AGTPBP1: variants seen among roughly 807,000 people sequenced by gnomAD.
The protein encoded by AGTPBP1 is ATP/GTP binding carboxypeptidase 1.
A neutral mutation model predicts 143.9 loss-of-function variants in AGTPBP1; 70 were observed. The ratio of observed to expected loss-of-function variants is 0.49; its 90% confidence interval spans 0.40 to 0.59. AGTPBP1 has a LOEUF of 0.59. Among genes scored for constraint, AGTPBP1 ranks in the 20% least tolerant of loss-of-function variants. The pLI is 0.00. For synonymous variants in AGTPBP1, 463 were observed against 500.2 expected (o/e 0.93, Z 0.99); for missense variants, 1,229 against 1,464.5 (o/e 0.84, Z 2.62).
the AGTPBP1 span, among the ~76,000 whole-genome samples, chr9:85,771,211 G>C: frequency 6.6e-6 from 1 of 152,122 alleles, no homozygotes; most frequent in Admixed American, 6.5e-5. Flanking sequence ...TTAAAATAAA[G>C]TCCTAAGGCC....
At chr9:85,797,631 G>A in the AGTPBP1 span, among the ~76,000 whole-genome samples, 1 of 152,050 alleles carries the variant, frequency 6.6e-6, no homozygotes, top group Non-Finnish European at 1.5e-5. Context: ...TAGGGCAGGG[G>A]TGTCCAATCT....
At chr9:85,769,520 C>CAAAAAAA in the AGTPBP1 span, among the ~76,000 whole-genome samples, 1 of 60,874 alleles carries the variant, frequency 1.6e-5, no homozygotes. Context: ...ACCCTGTGTC[C>CAAAAAAA]AAAAAAAAAA....
rs1227840098 is a variant in AGTPBP1, at chr9:85,592,649, A to G, written c.2479T>C (p.Tyr827His). ...AAATTGACAGTAAATGTAATTGTAT[A>G]GTAGGATTTTCCCTTTTGCCCACCT... ...AAGGQKGKSY[Y>H]TITFTVNFPH... is the part of the protein sequence containing the mutation. Residue 827 changes from tyrosine to histidine, a missense_variant, in exon 19 of 26, where the codon TAT (tyrosine) becomes CAT (histidine). This residue lies in a region of AGTPBP1 where 486 missense variants were observed against 652.3 expected (regional missense o/e 0.75). Transcript: ENST00000357081. 6.2e-7 allele frequency: 1 copy of G among 1,612,054 alleles called. No individual in the cohort carries two copies. Among genetic ancestry groups the G allele is most frequent in the Admixed American group, 1.7e-5 (1 of 59,684 alleles).
chr9:85,706,952 A>C (rs1837053597), intron 2 of AGTPBP1, among the ~76,000 whole-genome samples: 1 of 152,146 alleles, frequency 6.6e-6, no homozygotes, highest in South Asian at 2.1e-4. Flanking sequence ...TTAAAAAAAA[A>C]AGCAGACACA....
chr9:85,645,660 C>G (rs1329830337), intron 12 of AGTPBP1, among the ~76,000 whole-genome samples: 1 of 151,912 alleles, frequency 6.6e-6, no homozygotes, highest in African/African-American at 2.4e-5. Flanking sequence ...CCCTCCTCCC[C>G]CATAAAAAAA....
intron 15 of AGTPBP1, 34 bp from the exon 16 acceptor site, chr9:85,619,335 T>C (rs1225874249): frequency 2.7e-6 from 4 of 1,479,268 alleles, no homozygotes; most frequent in South Asian, 2.4e-5. Flanking sequence ...TGTATTAAAA[T>C]ACATTGCATT....
chr9:85,718,188 C>T (rs967642685), intron 1 of AGTPBP1, among the ~76,000 whole-genome samples: 1 of 152,138 alleles, frequency 6.6e-6, no homozygotes, highest in Admixed American at 6.5e-5. Context: ...TGAGTATATA[C>T]CCAGTAATGG....
At chr9:85,789,082 G>A in the AGTPBP1 span, among the ~76,000 whole-genome samples, 1 of 150,528 alleles carries the variant, frequency 6.6e-6, no homozygotes, top group African/African-American at 2.5e-5. Context: ...TCAAAACAAC[G>A]ATTAGGTTTG....
At chr9:85,662,225 C>T (rs1039466573) in intron 8 of AGTPBP1, among the ~76,000 whole-genome samples, 2 of 152,110 alleles carry the variant, frequency 1.3e-5, no homozygotes, top group African/African-American at 4.8e-5. Context: ...AGGGTAAGTG[C>T]TCAACAAATG....
rs1016205510 is a variant in AGTPBP1, at chr9:85,725,127, G to A, written c.-33-12561C>T. On this transcript the variant is annotated intron_variant, in intron 1 of 25. Transcript: ENST00000357081. The stretch of plus-strand genomic sequence containing the variant: ...AAATTCGTCACTTGTGAGAGATTTC[G>A]AAGATGAGCAAAAGCTGCCTGATTA... Among the ~76,000 whole-genome samples the A allele has an allele frequency of 4.6e-5, 7 of 152,200 alleles. No homozygotes were observed. In the South Asian group the frequency reaches 1.0e-3, roughly 23 times the overall value.
chr9:85,611,901 C>T (rs12352084), intron 17 of AGTPBP1, among the ~76,000 whole-genome samples: 20 of 152,002 alleles, frequency 1.3e-4, no homozygotes, highest in African/African-American at 4.8e-4. Flanking sequence ...AGGCTGGTCT[C>T]GAACTCCTGA....
chr9:85,674,559 T>C (rs1356810777), intron 6 of AGTPBP1, among the ~76,000 whole-genome samples: 1 of 152,094 alleles, frequency 6.6e-6, no homozygotes, highest in East Asian at 1.9e-4. Flanking sequence ...CATTTTCATT[T>C]TCCACAAAAA....
chr9:85,763,054 G>A, the AGTPBP1 span, among the ~76,000 whole-genome samples: 1 of 151,784 alleles, frequency 6.6e-6, no homozygotes, highest in African/African-American at 2.4e-5. Flanking sequence ...CTCATTAGAA[G>A]TTTAAGATCT....
chr9:85,580,284 C>A (rs1448454039), intron 23 of AGTPBP1, among the ~76,000 whole-genome samples: 1 of 148,894 alleles, frequency 6.7e-6, no homozygotes, highest in African/African-American at 2.5e-5. Flanking sequence ...AATATATTTT[C>A]TAATTTTTTG....
At chr9:85,648,666 G>C (rs1832964883) in intron 11 of AGTPBP1, among the ~76,000 whole-genome samples, 1 of 152,096 alleles carries the variant, frequency 6.6e-6, no homozygotes, top group Non-Finnish European at 1.5e-5. Context: ...CAAAAAATTA[G>C]CTGGGCGTGG....
intron 11 of AGTPBP1, among the ~76,000 whole-genome samples, chr9:85,648,743 T>C (rs1478819465): frequency 6.6e-6 from 1 of 151,358 alleles, no homozygotes; most frequent in Non-Finnish European, 1.5e-5. Context: ...ACCCGGGAGG[T>C]GGAGCTTGCA....
intron 25 of AGTPBP1, among the ~76,000 whole-genome samples, chr9:85,557,295 G>A (rs774511168): frequency 6.6e-6 from 1 of 152,118 alleles, no homozygotes; most frequent in Non-Finnish European, 1.5e-5. Flanking sequence ...CTGGGATCCC[G>A]AGGTGCTCAC....
chr9:85,723,079 GT>G (rs1838236433), intron 1 of AGTPBP1, among the ~76,000 whole-genome samples: 1 of 152,180 alleles, frequency 6.6e-6, no homozygotes, highest in Non-Finnish European at 1.5e-5. Flanking sequence ...CCTGTAGGAG[GT>G]GTCTGTCAGC....
intron 2 of AGTPBP1, among the ~76,000 whole-genome samples, chr9:85,695,197 A>G (rs1304343122): frequency 2.6e-5 from 4 of 152,248 alleles, no homozygotes; most frequent in Admixed American, 1.3e-4. Flanking sequence ...AGTTTCCCCA[A>G]TGGTTACATT....
Sources: gnomAD v4.1 joint callset for allele counts (sites outside exome capture counted in the v4.1 genomes callset) on GRCh38, gnomAD v4.1.1 for gene constraint, gnomAD v4.1.1 regional missense constraint, MANE v1.5 for transcripts, NCBI Gene and HGNC (gene_info 2026-07-23, HGNC 2026-07-21) for gene names.